Variants in POC5 observed in about 807,000 individuals in gnomAD.
The protein encoded by POC5 is centrosomal protein POC5.
POC5 carries 48 observed loss-of-function variants against 62.9 expected under a neutral mutation model. The observed-to-expected ratio is 0.76, with a 90% CI of 0.61 to 0.97. POC5 has a LOEUF of 0.97. POC5 is among the 50% of genes least tolerant of loss of function. The probability of loss-of-function intolerance (pLI) is 0.00; values close to 1 mark genes in which losing one functional copy is unlikely to be tolerated. For synonymous variants in POC5, 236 were observed against 228.2 expected, an observed-to-expected ratio of 1.03 and a Z score of -0.31; for missense variants, 696 against 679.5, an observed-to-expected ratio of 1.02 and a Z score of -0.27.
intron 5 of POC5, among the ~76,000 whole-genome samples, chr5:75,700,249 C>T (rs1439650934): frequency 3.3e-5 from 5 of 151,624 alleles, no homozygotes; most frequent in Admixed American, 6.6e-5. Context: ...AAAAAAGAGC[C>T]CGCATCACCA....
chr5:75,677,753 G>A (rs1775724176), intron 11 of POC5, 21 bp downstream of exon 11: 1 of 1,535,138 alleles, frequency 6.5e-7, no homozygotes, highest in African/African-American at 1.4e-5. Flanking sequence ...TTTGACAAAA[G>A]GTCATCAAAT....
intron 1 of POC5, among the ~76,000 whole-genome samples, chr5:75,713,226 C>T (rs370669901): frequency 6.6e-6 from 1 of 152,182 alleles, no homozygotes; most frequent in East Asian, 1.9e-4. Context: ...GATCACTGTT[C>T]TTGAGCAATG....
intron 10 of POC5, among the ~76,000 whole-genome samples, chr5:75,680,728 C>T (rs555237952): frequency 6.6e-6 from 1 of 152,168 alleles, no homozygotes; most frequent in African/African-American, 2.4e-5. Flanking sequence ...GAAGGATTCT[C>T]TAATCAGATT....
rs1281920327 is a variant in POC5 at position 75,677,877 on chromosome 5, C to T, written c.1481G>A (p.Cys494Tyr). The change falls in exon 11 of 12, where the codon TGT becomes TAT. Residue 494 changes from cysteine to tyrosine, a missense_variant. Coordinates refer to ENST00000428202, the MANE Select transcript of POC5 (RefSeq NM_001099271.2). ...AATTCTATTTTTTGAAGCAAAATCA[C>T]ATCTTCCTGTGATCCGGGCTGTAAT... is the stretch of plus-strand genomic sequence containing the variant. ...RTITARITGR[C>Y]DFASKNRISS... is the part of the protein sequence containing the mutation. 2 of 1,611,236 alleles carry T rather than the reference C, an allele frequency of 1.2e-6. No homozygotes were observed. The highest frequency in any genetic ancestry group is 1.7e-6 in the Non-Finnish European group (2 of 1,178,668).
chr5:75,694,757 C>G lies in POC5; in HGVS notation c.588G>C (p.Glu196Asp). The G allele has an allele frequency of 6.3e-7, 1 of 1,591,202 alleles. No homozygotes were observed. Among genetic ancestry groups the G allele is most frequent in the Non-Finnish European group, 8.6e-7 (1 of 1,160,778 alleles). Residue 196 changes from glutamate to aspartate, a missense_variant, in exon 6 of 12, where the codon GAG becomes GAC. Coordinates refer to ENST00000428202, the MANE Select transcript of POC5 (RefSeq NM_001099271.2). ...IDWHRMEMRK[E>D]KEKHAAHLKQ... ...TTAAATGTGCTGCATGTTTTTCTTT[C>G]TCTTTTCTCATTTCCATTCGGTGCC...
chr5:75,710,286 T>C (rs774652306), intron 2 of POC5, among the ~76,000 whole-genome samples: 3 of 152,198 alleles, frequency 2.0e-5, no homozygotes, highest in Non-Finnish European at 4.4e-5. Flanking sequence ...ACACCCAAAA[T>C]ATACTTTTGA....
At chr5:75,707,284 G>GA (rs1276580229) in intron 3 of POC5, among the ~76,000 whole-genome samples, 1 of 152,196 alleles carries the variant, frequency 6.6e-6, no homozygotes, top group Non-Finnish European at 1.5e-5. Flanking sequence ...TTCACCTTGT[G>GA]ATAATTATTC....
chr5:75,694,826 G>A lies in POC5; in HGVS notation c.519C>T (p.Asn173=). Residue 173 remains asparagine (N), a synonymous_variant, in exon 6 of 12, where the codon AAC becomes AAT. Coordinates refer to ENST00000428202, the MANE Select transcript of POC5 (RefSeq NM_001099271.2). ...TCCATTTACTTAGTTCAGATATGAT[G>A]TTTGTCTGAAAAATTAATATAGTGA... The part of the protein sequence containing the change: ...LDLWSSGLKT[N]IISELSKWRL... 1 of 1,515,974 alleles carries A rather than the reference G, an allele frequency of 6.6e-7. No homozygotes were observed. The highest frequency in any genetic ancestry group is 9.0e-7 in the Non-Finnish European group (1 of 1,114,792). 93.9% of individuals were successfully genotyped at this position (1,515,974 alleles called of 1,614,324 possible).
At chr5:75,694,061 G>A (rs1776455335) in intron 6 of POC5, among the ~76,000 whole-genome samples, 1 of 152,268 alleles carries the variant, frequency 6.6e-6, no homozygotes, top group Middle Eastern at 3.4e-3. Context: ...TGCAGTCCCT[G>A]GCAGGGGCTG....
Position 75,712,391 on chromosome 5 carries a change from T to G in POC5, c.84+463A>C, listed in dbSNP as rs375247406. On this transcript the variant is annotated intron_variant, in intron 2 of 11. Transcript: ENST00000428202. ...GTTAACTGACCCACTTCATTTTATC[T>G]GTCAATGTCCAGGTCCTGGGCAGCA... is the stretch of plus-strand genomic sequence containing the variant. 3.3e-5 allele frequency: 53 copies of G among 1,610,658 alleles called. No homozygotes were observed. The African/African-American group carries it at 6.9e-4, about 21-fold the overall frequency.
intron 8 of POC5, 41 bp downstream of exon 8, chr5:75,690,342 A>G (rs377211158): frequency 4.3e-5 from 65 of 1,509,606 alleles, no homozygotes; most frequent in Admixed American, 2.1e-4. Flanking sequence ...CTATCTTTTT[A>G]TTGTATTAGA....
intron 1 of POC5, among the ~76,000 whole-genome samples, chr5:75,714,065 G>C: frequency 6.6e-6 from 1 of 152,190 alleles, no homozygotes; most frequent in East Asian, 1.9e-4. Context: ...TTCCAGCAGC[G>C]TTGAGGATGA....
chr5:75,685,240 T>C lies in POC5; in HGVS notation c.1374A>G (p.Ala458=), dbSNP rs752659478. The change falls in exon 10 of 12, where the codon GCA becomes GCG. Residue 458 remains alanine (A), a synonymous_variant. Coordinates refer to ENST00000428202, the MANE Select transcript of POC5 (RefSeq NM_001099271.2). The part of the protein sequence containing the change: ...SVHVPVSALG[A]GSAATAASEE... ...CTGATGCAGCAGTAGCTGCAGATCC[T>C]GCACCAAGAGCAGAAACAGGAACGT... 2.5e-6 allele frequency: 4 copies of C among 1,613,818 alleles called. No individual in the cohort carries two copies. In the East Asian group the frequency reaches 8.9e-5, roughly 36 times the overall value.
At chr5:75,695,252 AGTTGATACTT>A (rs547967756) in intron 5 of POC5, among the ~76,000 whole-genome samples, 4 of 152,208 alleles carry the variant, frequency 2.6e-5, no homozygotes, top group Non-Finnish European at 5.9e-5. Flanking sequence ...AAACCATGAG[AGTTGATACTT>A]GTTTTCCCAA....
At chr5:75,685,852 T>C (rs1776079920) in intron 9 of POC5, among the ~76,000 whole-genome samples, 1 of 152,174 alleles carries the variant, frequency 6.6e-6, no homozygotes, top group South Asian at 2.1e-4. Context: ...TCCTTTGTAT[T>C]AGTTCATACA....
chr5:75,689,285 C>T, intron 8 of POC5, 120 bp from the exon 9 acceptor site: 1 of 1,382,724 alleles, frequency 7.2e-7, no homozygotes, highest in Non-Finnish European at 9.3e-7. Flanking sequence ...TTGTCACTTA[C>T]CTCTTCTGCT....
chr5:75,695,916 G>C (rs1437275606), intron 5 of POC5: 1 of 152,612 alleles, frequency 6.6e-6, no homozygotes, highest in Non-Finnish European at 1.5e-5. Flanking sequence ...CAAGGGGTCA[G>C]GGAGTACCCT....
At chr5:75,692,370 C>T (rs1776373624) in intron 7 of POC5, 26 bp downstream of exon 7, 1 of 1,495,718 alleles carries the variant, frequency 6.7e-7, no homozygotes, top group Non-Finnish European at 9.1e-7. Flanking sequence ...TAACATCCAT[C>T]AGCTGTCTTC....
Position 75,707,882 on chromosome 5 carries a change from G to C in POC5, c.85-7C>G, listed in dbSNP as rs1331706230. 3.2e-6 allele frequency: 5 copies of C among 1,572,082 alleles called. No individual in the cohort carries two copies. In the East Asian group the frequency reaches 1.1e-4, roughly 36 times the overall value. On this transcript the variant is annotated splice_region_variant and splice_polypyrimidine_tract_variant and intron_variant, in intron 2 of 11. Coordinates refer to ENST00000428202, the MANE Select transcript of POC5 (RefSeq NM_001099271.2). ...GCAGTTCTTCATATTCTTCCTAAGA[G>C]AGGCCAATAATCAATAATGTAGTGT...
Sources: allele counts gnomAD v4.1 joint callset (sites outside exome capture counted in the v4.1 genomes callset), GRCh38; gene constraint gnomAD v4.1.1; transcripts MANE v1.5; gene names NCBI Gene and HGNC (gene_info 2026-07-23, HGNC 2026-07-21).